The following ZNF827 variants were observed in gnomAD, a reference collection of about 807,000 sequenced individuals.
ZNF827 encodes the protein zinc finger protein 827.
ZNF827 carries 13 observed loss-of-function variants against 102.4 expected under a neutral mutation model. The ratio of observed to expected loss-of-function variants is 0.13; its 90% CI spans 0.08 to 0.20. The LOEUF is 0.20. ZNF827 is among the 10% of genes least tolerant of loss of function. ZNF827 has a pLI of 1.00. For missense variants in ZNF827, 1,103 were observed against 1,344.4 expected (o/e 0.82, Z 2.81); for synonymous variants, 523 against 536.2 (o/e 0.98, Z 0.34).
chr4:145,848,032 C>A (rs1746153098), intron 6 of ZNF827, among the ~76,000 whole-genome samples: 1 of 152,080 alleles, frequency 6.6e-6, no homozygotes, highest in Non-Finnish European at 1.5e-5. Context: ...ACTCTCAGAC[C>A]CAAACTTTTT....
intron 8 of ZNF827, among the ~76,000 whole-genome samples, chr4:145,817,726 G>T (rs1469521988): frequency 6.6e-6 from 1 of 152,176 alleles, no homozygotes; most frequent in Non-Finnish European, 1.5e-5. Flanking sequence ...TAATACAGGG[G>T]ATGTGCAAGG....
chr4:145,907,038 G>A, intron 1 of ZNF827: 1 of 456,486 alleles, frequency 2.2e-6, no homozygotes, highest in Non-Finnish European at 4.4e-6. Context: ...GAGAAACATA[G>A]CTGAAATTAT....
rs529916912 is a variant in ZNF827 at position 145,906,515 on chromosome 4, C to A, written c.44-3300G>T. ...CCAAAAGCAAAGCTTAATTTCCTAA[C>A]CCCCTCCACACCCTCAGTGAGCAAG... On this transcript the variant is annotated intron_variant, in intron 1 of 14. Coordinates refer to ENST00000508784, the MANE Select transcript of ZNF827 (RefSeq NM_001306215.2). 3.9e-5 allele frequency among the ~76,000 whole-genome samples: 6 copies of A among 152,282 alleles called. No homozygotes were observed. In the South Asian group the frequency reaches 1.2e-3, roughly 32 times the overall value.
At chr4:145,783,155 C>T (rs1738341976) in intron 8 of ZNF827, among the ~76,000 whole-genome samples, 1 of 152,202 alleles carries the variant, frequency 6.6e-6, no homozygotes, top group African/African-American at 2.4e-5. Flanking sequence ...CCCTGGCCTC[C>T]CTTCCCTGGG....
intron 1 of ZNF827, among the ~76,000 whole-genome samples, chr4:145,934,608 A>G (rs141133068): frequency 6.6e-6 from 1 of 152,316 alleles, no homozygotes; most frequent in East Asian, 1.9e-4. Flanking sequence ...TTGGTATCAG[A>G]TAATACCAAG....
chr4:145,882,020 G>T (rs1007816631), intron 4 of ZNF827, among the ~76,000 whole-genome samples: 2 of 152,132 alleles, frequency 1.3e-5, no homozygotes, highest in Non-Finnish European at 2.9e-5. Context: ...TAATTTCTGG[G>T]CCCTGGCATT....
chr4:145,891,960 A>G (rs770355983), intron 3 of ZNF827, among the ~76,000 whole-genome samples: 56 of 152,230 alleles, frequency 3.7e-4, no homozygotes, highest in Non-Finnish European at 6.8e-4. Flanking sequence ...GCGTCAGCAC[A>G]CAGGCCAGGC....
intron 5 of ZNF827, among the ~76,000 whole-genome samples, chr4:145,857,262 T>C (rs750165457): frequency 1.3e-5 from 2 of 152,218 alleles, no homozygotes; most frequent in Non-Finnish European, 2.9e-5. Context: ...AGGTATTCTA[T>C]TTTGCTAACT....
rs148608015 is a variant in ZNF827, at chr4:145,933,512, T to C, written c.43+4853A>G. 3.1e-3 allele frequency among the ~76,000 whole-genome samples: 466 copies of C among 152,330 alleles called. 3 individuals are homozygous for C. The highest frequency in any genetic ancestry group is 0.01 in the African/African-American group (432 of 41,572). On this transcript the variant is annotated intron_variant, in intron 1 of 14. Coordinates refer to ENST00000508784, the MANE Select transcript of ZNF827 (RefSeq NM_001306215.2). ...AATAAGAAATCCCGTTGCTTTTCAG[T>C]CATTTTGCTTCCTAATTTTACTAGA...
intron 11 of ZNF827, among the ~76,000 whole-genome samples, chr4:145,771,543 A>C (rs1006639506): frequency 6.6e-6 from 1 of 152,252 alleles, no homozygotes; most frequent in African/African-American, 2.4e-5. Context: ...AGTCACAAGC[A>C]CCAAAGGGGA....
intron 8 of ZNF827, among the ~76,000 whole-genome samples, chr4:145,791,355 C>T (rs1209462240): frequency 2.6e-5 from 4 of 152,126 alleles, no homozygotes; most frequent in Admixed American, 1.3e-4. Context: ...AAGCACTTCC[C>T]AAAGGCTCCA....
At chr4:145,913,478 G>C (rs1352373164) in intron 1 of ZNF827, among the ~76,000 whole-genome samples, 1 of 147,776 alleles carries the variant, frequency 6.8e-6, no homozygotes, top group African/African-American at 2.5e-5. Flanking sequence ...TCCCTTACTA[G>C]GGCTACTTAG....
chr4:145,930,584 G>C (rs548325021), intron 1 of ZNF827, among the ~76,000 whole-genome samples: 17 of 152,344 alleles, frequency 1.1e-4, no homozygotes, highest in Admixed American at 1.0e-3. Flanking sequence ...CAGAAGCAAA[G>C]TGTATCTAAA....
intron 1 of ZNF827, among the ~76,000 whole-genome samples, chr4:145,931,996 AG>A (rs1753841643): frequency 6.6e-6 from 1 of 152,188 alleles, no homozygotes; most frequent in Non-Finnish European, 1.5e-5. Flanking sequence ...TCGTGAGGGT[AG>A]ACCTCTCAAG....
At chr4:145,886,799 ACCAATTTTT>A (rs990989640) in intron 3 of ZNF827, among the ~76,000 whole-genome samples, 3 of 152,108 alleles carry the variant, frequency 2.0e-5, no homozygotes, top group African/African-American at 7.2e-5. Context: ...GCAAGAGGAA[ACCAATTTTT>A]CCAAACGTGG....
chr4:145,883,558 G>A (rs138095489), intron 4 of ZNF827, among the ~76,000 whole-genome samples: 31 of 152,268 alleles, frequency 2.0e-4, no homozygotes, highest in African/African-American at 6.5e-4. Flanking sequence ...GCTAATTACA[G>A]CGTAATGTGA....
At chr4:145,890,375 G>A (rs910627783) in intron 3 of ZNF827, among the ~76,000 whole-genome samples, 2 of 152,042 alleles carry the variant, frequency 1.3e-5, no homozygotes, top group African/African-American at 4.8e-5. Flanking sequence ...AAGACCCCAC[G>A]ACCCACAAAG....
intron 1 of ZNF827, among the ~76,000 whole-genome samples, chr4:145,920,163 A>G (rs2126959754): frequency 6.6e-6 from 1 of 152,346 alleles, no homozygotes; most frequent in Admixed American, 6.5e-5. Context: ...AAATGAGAAA[A>G]CATTATGTTT....
At chr4:145,853,141 C>T (rs574271102) in intron 5 of ZNF827, among the ~76,000 whole-genome samples, 4 of 152,340 alleles carry the variant, frequency 2.6e-5, no homozygotes, top group East Asian at 3.9e-4. Context: ...TGGTATCAAT[C>T]GCCACCTCAG....
Sources: allele counts gnomAD v4.1 joint callset (sites outside exome capture counted in the v4.1 genomes callset), GRCh38; gene constraint gnomAD v4.1.1; transcripts MANE v1.5; gene names NCBI Gene and HGNC (gene_info 2026-07-23, HGNC 2026-07-21).